The following SLC46A1 variants were observed in gnomAD, a reference collection of about 807,000 sequenced individuals.
SLC46A1 encodes proton-coupled folate transporter.
SLC46A1 carries 17 observed loss-of-function variants against 32.1 expected under a neutral mutation model. The ratio of observed to expected loss-of-function variants is 0.53; its 90% confidence interval spans 0.36 to 0.79. The LOEUF is 0.79. SLC46A1 is among the 30% of genes least tolerant of loss of function. The pLI is 0.00. For synonymous variants in SLC46A1, 240 were observed against 262.7 expected, an observed-to-expected ratio of 0.91 and a Z score of 0.84; for missense variants, 517 against 588.2, an observed-to-expected ratio of 0.88 and a Z score of 1.25.
upstream of SLC46A1, chr17:28,406,244 C>A (rs1222207700): frequency 1.4e-6 from 1 of 697,700 alleles, no homozygotes; most frequent in Admixed American, 4.4e-5. This position sits in a 1 kb window ranked among gnomAD's most constrained non-coding sequence, Gnocchi z 4.5. Flanking sequence ...CCTTAAATGT[C>A]CGGCGGGGAG....
In SLC46A1 at chr17:28,396,416, CCT is replaced by C; in HGVS notation, c.*3238_*3239del. On this transcript the variant is annotated 3_prime_UTR_variant, in exon 5 of 5. Coordinates refer to ENST00000612814, the MANE Select transcript of SLC46A1 (RefSeq NM_080669.6). ...TTCTTAGGAAATGGCTCTCCCTCCC[CCT>C]GTCCCCCACCCTCATGGCCCACCTC... is the stretch of plus-strand genomic sequence containing the variant. 2 of 1,046,272 alleles carry C rather than the reference CCT, an allele frequency of 1.9e-6. No homozygotes were observed. Among genetic ancestry groups the C allele is most frequent in the Admixed American group, 2.1e-5 (1 of 48,160 alleles). The allele number at this position is 1,046,272 out of a possible 1,614,324, so 64.8% of individuals were successfully genotyped here. A position where few individuals can be genotyped will look rare whatever the true frequency, so the allele number is the denominator to read the frequency against.
Position 28,399,569 on chromosome 17 carries a change from G to T in SLC46A1, c.*87C>A. On this transcript the variant is annotated 3_prime_UTR_variant, in exon 5 of 5. Coordinates refer to ENST00000612814, the MANE Select transcript of SLC46A1 (RefSeq NM_080669.6). ...CCCTTAGACAAGAGTTGCTTGTCCT[G>T]CTGTGGGCTGGGCTTCCAGCTGCAG... 7.2e-7 allele frequency: 1 copy of T among 1,395,792 alleles called. No homozygotes were observed. Among genetic ancestry groups the T allele is most frequent in the Non-Finnish European group, 1.0e-6 (1 of 987,734 alleles). 86.5% of individuals were successfully genotyped at this position (1,395,792 alleles called of 1,614,324 possible).
In SLC46A1 at chr17:28,404,957, T is replaced by A. The variant is rs1555590611; in HGVS notation, c.740A>T (p.His247Leu). Reference protein sequence around the residue: ...PKSTRLFTFRHHRSIVQLYVA... With the variant: ...PKSTRLFTFRLHRSIVQLYVA... ...ATAGAGCTGGACAATGGATCGGTGGTGACGGAACGTGAAGAGCCGGGTGGA... is the reference window on the plus strand; with the variant it reads ...ATAGAGCTGGACAATGGATCGGTGGAGACGGAACGTGAAGAGCCGGGTGGA... Residue 247 changes from histidine (H) to leucine (L), a missense_variant, in exon 2 of 5, where the codon CAC becomes CTC. Physicochemically the swap from His to Leu is moderately conservative, Grantham distance 99. Coordinates refer to ENST00000612814, the MANE Select transcript of SLC46A1 (RefSeq NM_080669.6). The A allele has an allele frequency of 6.2e-7, 1 of 1,614,010 alleles. No homozygotes were observed. Among genetic ancestry groups the A allele is most frequent in the Non-Finnish European group, 8.5e-7 (1 of 1,179,900 alleles).
Position 28,406,104 on chromosome 17 carries a change from C to T in SLC46A1, c.11G>A (p.Ser4Asn). 6 of 1,552,182 alleles carry T rather than the reference C, an allele frequency of 3.9e-6. No individual in the cohort carries two copies. The highest frequency in any genetic ancestry group is 4.3e-6 in the Non-Finnish European group (5 of 1,151,234). The change falls in exon 1 of 5, where the codon AGC becomes AAC. Residue 4 changes from serine (S) to asparagine (N), a missense_variant. Physicochemically the swap from Ser to Asn is conservative, Grantham distance 46 (BLOSUM62 1). Transcript: ENST00000612814. The surrounding 1 kb of genome is among the most constrained non-coding windows in gnomAD (Gnocchi z 4.5). ...GCGGGGCTTTTCCGGGGGGCTCGCG[C>T]TCCCCTCCATGTGCGTGCGCGGCGG... Reference protein sequence around the residue: MEGSASPPEKPRAR... With the variant: MEGNASPPEKPRAR...
At position 28,402,225 on chromosome 17, in the gene SLC46A1, T is replaced by C; in HGVS notation, c.1165+13A>G. On this transcript the variant is annotated intron_variant, in intron 3 of 4. Coordinates refer to ENST00000612814, the MANE Select transcript of SLC46A1 (RefSeq NM_080669.6). ...ACATGAGGAACCAGACACAGGTGGG[T>C]TCTGACACTCACCCTGCTCTGTCTC... 1.2e-6 allele frequency: 2 copies of C among 1,609,660 alleles called. No homozygotes were observed. Among genetic ancestry groups the C allele is most frequent in the Non-Finnish European group, 1.7e-6 (2 of 1,177,674 alleles).
chr17:28,405,711 G>T (rs1422607533), intron 1 of SLC46A1, 176 bp downstream of exon 1: 28 of 956,062 alleles, frequency 2.9e-5, no homozygotes, highest in Non-Finnish European at 4.2e-5. Flanking sequence ...TCAGCTTTTC[G>T]CATCCCACCC....
At chr17:28,405,804 C>T (rs540681733) in intron 1 of SLC46A1, 83 bp downstream of exon 1, 3 of 1,401,216 alleles carry the variant, frequency 2.1e-6, no homozygotes, top group Non-Finnish European at 1.9e-6. Context: ...CCGCCACTAC[C>T]ATTACGCAGG....
rs781822674 is a variant in SLC46A1, at chr17:28,396,004, G to A, written c.*3652C>T. On this transcript the variant is annotated 3_prime_UTR_variant, in exon 5 of 5. Transcript: ENST00000612814. Reference sequence around the variant, plus strand: ...GGTCCTGCCTGAGGACATGCAGGCTGTGCTTACTTTCAACGGTATCAAGTG... The same window carrying A: ...GGTCCTGCCTGAGGACATGCAGGCTATGCTTACTTTCAACGGTATCAAGTG... 1.2e-6 allele frequency: 2 copies of A among 1,613,936 alleles called. No homozygotes were observed. Among genetic ancestry groups the A allele is most frequent in the South Asian group, 1.1e-5 (1 of 91,082 alleles).
chr17:28,399,466 C>T lies in SLC46A1; in HGVS notation c.*190G>A. ...GCCTGTGTGGGTTATGATTCTAGAT[C>T]CTAGACAGAGGCTGGGTCAGCTGTG... On this transcript the variant is annotated 3_prime_UTR_variant, in exon 5 of 5. Transcript: ENST00000612814. The T allele has an allele frequency of 1.6e-6, 1 of 616,362 alleles. No homozygotes were observed. 38.2% of individuals were successfully genotyped at this position (616,362 alleles called of 1,614,324 possible). A position where few individuals can be genotyped will look rare whatever the true frequency, so the allele number is the denominator to read the frequency against.
intron 4 of SLC46A1, 169 bp from the exon 5 acceptor site, chr17:28,399,882 G>A (rs1233491481): frequency 3.0e-6 from 2 of 670,958 alleles, no homozygotes; most frequent in East Asian, 2.7e-5. Context: ...CCAGGGACAT[G>A]GCTCTGGAAA....
chr17:28,405,765 C>T, intron 1 of SLC46A1, 122 bp downstream of exon 1: 1 of 1,175,366 alleles, frequency 8.5e-7, no homozygotes, highest in Non-Finnish European at 1.2e-6. Flanking sequence ...TCCCGCCCAC[C>T]ATCCAAAATG....
At position 28,405,395 on chromosome 17, in the gene SLC46A1, G is replaced by C; in HGVS notation, c.302C>G (p.Ser101Cys). The change falls in exon 2 of 5, where the codon TCC (serine) becomes TGC (cysteine). Residue 101 changes from serine (S) to cysteine (C), a missense_variant. Coordinates refer to ENST00000612814, the MANE Select transcript of SLC46A1 (RefSeq NM_080669.6). ...GTCGCTCCAAGCTCCCAGCAGGGTG[G>C]ACGAGAAGAGCCCCACCAGGAAGCC... Reference protein sequence around the residue: ...VGGFLVGLFSSTLLGAWSDSV... With the variant: ...VGGFLVGLFSCTLLGAWSDSV... 6.3e-7 allele frequency: 1 copy of C among 1,586,744 alleles called. No homozygotes were observed. Among genetic ancestry groups the C allele is most frequent in the Non-Finnish European group, 8.6e-7 (1 of 1,167,216 alleles).
intron 4 of SLC46A1, 171 bp downstream of exon 4, chr17:28,400,439 T>C (rs1194758330): frequency 2.6e-6 from 2 of 783,974 alleles, no homozygotes; most frequent in East Asian, 5.5e-5. Context: ...CCTTGGAAAA[T>C]GGCTCCTGGA....
Position 28,396,006 on chromosome 17 carries a change from G to GCTTA in SLC46A1, c.*3646_*3649dup. ...TCCTGCCTGAGGACATGCAGGCTGT[G>GCTTA]CTTACTTTCAACGGTATCAAGTGAG... On this transcript the variant is annotated 3_prime_UTR_variant, in exon 5 of 5. Coordinates refer to ENST00000612814, the MANE Select transcript of SLC46A1 (RefSeq NM_080669.6). 6.2e-7 allele frequency: 1 copy of GCTTA among 1,613,964 alleles called. No homozygotes were observed. Among genetic ancestry groups the GCTTA allele is most frequent in the Admixed American group, 1.7e-5 (1 of 60,012 alleles).
At chr17:28,406,297 C>A (rs981313917), upstream of SLC46A1, 15 of 466,398 alleles carry the variant, frequency 3.2e-5, no homozygotes, top group Non-Finnish European at 4.5e-5. The surrounding 1 kb of genome is among the most constrained non-coding windows in gnomAD (Gnocchi z 4.5). Context: ...CGCGGGTGCA[C>A]CTGGCTGGGC....
chr17:28,405,766 A>T lies in SLC46A1; in HGVS notation c.228+121T>A, dbSNP rs2068253080. ...CCCCTTTGCTCTGGTCCCGCCCACC[A>T]TCCAAAATGCACCCTCCCTCCAGTT... On this transcript the variant is annotated intron_variant, in intron 1 of 4. Transcript: ENST00000612814. 5.9e-6 allele frequency: 7 copies of T among 1,178,828 alleles called. No homozygotes were observed. In the South Asian group the frequency reaches 1.1e-4, roughly 18 times the overall value. The allele number at this position is 1,178,828 out of a possible 1,614,324, so 73.0% of individuals were successfully genotyped here. A position where few individuals can be genotyped will look rare whatever the true frequency, so the allele number is the denominator to read the frequency against.
At position 28,404,686 on chromosome 17, in the gene SLC46A1, G is replaced by C. The variant is rs141883705; in HGVS notation, c.1011C>G (p.Ile337Met). The part of the protein sequence containing the change: ...YCLADAWVAE[I>M]GLAFNILGMV... ...TCCCCAGGATGTTGAAGGCCAGGCC[G>C]ATCTCAGCTACCCAGGCATCGGCCA... The change falls in exon 2 of 5, where the codon ATC becomes ATG. Residue 337 changes from isoleucine (I) to methionine (M), a missense_variant. Ile to Met is a conservative substitution (Grantham distance 10). Transcript: ENST00000612814. The C allele has an allele frequency of 2.5e-5, 41 of 1,613,558 alleles. 1 individual carries two copies. The highest frequency in any genetic ancestry group is 3.4e-5 in the Non-Finnish European group (40 of 1,179,632).
chr17:28,399,797 G>A (rs2068174337), intron 4 of SLC46A1, 84 bp from the exon 5 acceptor site: 1 of 1,452,480 alleles, frequency 6.9e-7, no homozygotes, highest in African/African-American at 1.4e-5. Context: ...GATTTACTGG[G>A]GTGGGCTGGT....
At position 28,405,380 on chromosome 17, in the gene SLC46A1, G is replaced by A; in HGVS notation, c.317C>T (p.Ala106Val). Reference sequence around the variant, plus strand: ...GCGGCGGCCCACACTGTCGCTCCAAGCTCCCAGCAGGGTGGACGAGAAGAG... The same window carrying A: ...GCGGCGGCCCACACTGTCGCTCCAAACTCCCAGCAGGGTGGACGAGAAGAG... ...VGLFSSTLLG[A>V]WSDSVGRRPL... The change falls in exon 2 of 5, where the codon GCT (alanine) becomes GTT (valine). Residue 106 changes from alanine to valine, a missense_variant. Ala to Val is a moderately conservative substitution (Grantham distance 64, BLOSUM62 0). Transcript: ENST00000612814. 2 of 1,585,544 alleles carry A rather than the reference G, an allele frequency of 1.3e-6. No homozygotes were observed. Among genetic ancestry groups the A allele is most frequent in the Non-Finnish European group, 1.7e-6 (2 of 1,166,658 alleles).
Sources: gnomAD v4.1 joint callset for allele counts on GRCh38, gnomAD v4.1.1 for gene constraint, Gnocchi (gnomAD v3.1) non-coding constraint, MANE v1.5 for transcripts, NCBI Gene and HGNC (gene_info 2026-07-23, HGNC 2026-07-21) for gene names.